Variants in TLN2 observed in about 807,000 individuals in gnomAD.
TLN2 encodes talin 2, also known as talin-2.
A neutral mutation model predicts 294.7 loss-of-function variants in TLN2; 118 were observed. The ratio of observed to expected loss-of-function variants is 0.40; its 90% CI spans 0.34 to 0.47. TLN2 has a LOEUF of 0.47. Ranked by LOEUF, TLN2 falls within the 20% of genes least tolerant of loss-of-function variation. The pLI is 0.84. For missense variants in TLN2, 3,083 were observed against 3,282.2 expected (o/e 0.94, Z 1.48); for synonymous variants, 1,431 against 1,304.5 (o/e 1.10, Z -2.09).
At chr15:62,609,101 T>C (rs2047696518) in intron 2 of TLN2, among the ~76,000 whole-genome samples, 2 of 151,994 alleles carry the variant, frequency 1.3e-5, no homozygotes, top group African/African-American at 4.8e-5. Context: ...AAATGAACGT[T>C]CCCCCTGGGC....
intron 35 of TLN2, among the ~76,000 whole-genome samples, chr15:62,753,165 G>A (rs2062029473): frequency 6.6e-6 from 1 of 152,098 alleles, no homozygotes; most frequent in Non-Finnish European, 1.5e-5. Context: ...CTTCCCTTGT[G>A]CCCTCTTGTC....
chr15:62,679,840 G>C (rs775310543), intron 11 of TLN2, among the ~76,000 whole-genome samples: 9 of 152,114 alleles, frequency 5.9e-5, no homozygotes, highest in Non-Finnish European at 1.0e-4. Context: ...ACATGTACTT[G>C]TGTGTGTTTA....
chr15:62,462,694 G>T (rs765526412), intron 1 of TLN2, among the ~76,000 whole-genome samples: 9 of 152,194 alleles, frequency 5.9e-5, no homozygotes, highest in Non-Finnish European at 1.2e-4. Context: ...CTGGCGCTGT[G>T]GGTGTGGCTC....
At chr15:62,461,826 C>T (rs998616256) in intron 1 of TLN2, among the ~76,000 whole-genome samples, 3 of 152,204 alleles carry the variant, frequency 2.0e-5, no homozygotes, top group Non-Finnish European at 1.5e-5. Context: ...TCAAGAGTGG[C>T]CTGGTGAGCG....
At chr15:62,507,357 G>C (rs1029577549) in intron 1 of TLN2, among the ~76,000 whole-genome samples, 1 of 152,226 alleles carries the variant, frequency 6.6e-6, no homozygotes, top group South Asian at 2.1e-4. Flanking sequence ...ATCTCATTGA[G>C]ACCCCCGTGT....
intron 44 of TLN2, among the ~76,000 whole-genome samples, chr15:62,782,718 C>G (rs1194728135): frequency 6.6e-6 from 1 of 152,246 alleles, no homozygotes; most frequent in Non-Finnish European, 1.5e-5. Flanking sequence ...GCGGCCACAT[C>G]TCAGCCTGAA....
At position 62,702,200 on chromosome 15, in the gene TLN2, G is replaced by T; in HGVS notation, c.1905G>T (p.Glu635Asp). The change falls in exon 18 of 59, where the codon GAG becomes GAT. Residue 635 changes from glutamate to aspartate, a missense_variant and splice_region_variant. By Grantham distance (45) the Glu-to-Asp change is conservative. Coordinates refer to ENST00000636159, the MANE Select transcript of TLN2 (RefSeq NM_015059.3). ...LLKAVQPTSG[E>D]PRQTVLTAAG... The stretch of plus-strand genomic sequence containing the variant: ...AAGCTGTGCAGCCTACTTCTGGAGA[G>T]GTAAGCTCCAGAGGCAAGCAATCAC... 1 of 1,586,774 alleles carries T rather than the reference G, an allele frequency of 6.3e-7. No individual in the cohort carries two copies. The highest frequency in any genetic ancestry group is 8.6e-7 in the Non-Finnish European group (1 of 1,165,078).
intron 9 of TLN2, among the ~76,000 whole-genome samples, chr15:62,660,165 C>G (rs2053659465): frequency 6.6e-6 from 1 of 152,190 alleles, no homozygotes; most frequent in African/African-American, 2.4e-5. Flanking sequence ...GGAATGTGAA[C>G]AAGGGCATAT....
At chr15:62,786,303 G>A (rs1034379325) in intron 45 of TLN2, among the ~76,000 whole-genome samples, 2 of 152,154 alleles carry the variant, frequency 1.3e-5, no homozygotes, top group Non-Finnish European at 1.5e-5. Context: ...CCCGCAGTCC[G>A]CTATGCAAGG....
rs1322963977 is a variant in TLN2, at chr15:62,716,451, C to T, written c.2755C>T (p.Arg919Ter). ...TGCTATTAAGAAAAAAATTGTCAAC[C>T]GACTGGAGGTAAGGAAAGAGGCTGC... ...QNAIKKKIVN[R>*]LEVAAKQAAA... The change falls in exon 23 of 59, where the codon CGA becomes TGA. Residue 919 changes from arginine (R) to a stop codon, truncating the protein, a stop_gained. Transcript: ENST00000636159. LOFTEE classifies it high-confidence loss of function. 3 of 1,601,040 alleles carry T rather than the reference C, an allele frequency of 1.9e-6. No individual in the cohort carries two copies. The highest frequency in any genetic ancestry group is 2.3e-5 in the East Asian group (1 of 44,046).
chr15:62,393,578 A>T (rs2032281546), intron 1 of TLN2, among the ~76,000 whole-genome samples: 1 of 152,226 alleles, frequency 6.6e-6, no homozygotes, highest in South Asian at 2.1e-4. Flanking sequence ...GGACGATTAC[A>T]GGTGGTGAAT....
intron 14 of TLN2, among the ~76,000 whole-genome samples, chr15:62,697,358 T>C (rs28610033): frequency 0.096 from 14,554 of 152,192 alleles, 1,402 homozygotes; most frequent in African/African-American, 0.25. Flanking sequence ...ATCCTTCCCA[T>C]TTGGCCTCCA....
At chr15:62,548,584 A>G (rs1465742258) in intron 1 of TLN2, among the ~76,000 whole-genome samples, 3 of 152,172 alleles carry the variant, frequency 2.0e-5, no homozygotes, top group Non-Finnish European at 4.4e-5. Context: ...ACCCATAACC[A>G]TCAAACAAAA....
chr15:62,587,663 G>A (rs1467826291), intron 1 of TLN2, among the ~76,000 whole-genome samples: 1 of 152,100 alleles, frequency 6.6e-6, no homozygotes, highest in African/African-American at 2.4e-5. Context: ...CCATCTCCCT[G>A]CTTCCATAAT....
chr15:62,603,767 G>A (rs566770210), intron 2 of TLN2, among the ~76,000 whole-genome samples: 1 of 152,328 alleles, frequency 6.6e-6, no homozygotes, highest in South Asian at 2.1e-4. Flanking sequence ...AGGACATTTC[G>A]GTGGAATCTG....
chr15:62,750,926 T>G (rs1475741803), intron 34 of TLN2, among the ~76,000 whole-genome samples: 1 of 152,218 alleles, frequency 6.6e-6, no homozygotes, highest in Non-Finnish European at 1.5e-5. Flanking sequence ...TCCTCTTATG[T>G]GTTCTTTTGC....
intron 43 of TLN2, among the ~76,000 whole-genome samples, chr15:62,780,074 TGTC>T (rs1318179453): frequency 2.0e-5 from 3 of 152,254 alleles, no homozygotes; most frequent in Non-Finnish European, 4.4e-5. Flanking sequence ...ATCCCACTGT[TGTC>T]GTCATGATTT....
intron 2 of TLN2, among the ~76,000 whole-genome samples, chr15:62,610,324 G>A (rs1252022878): frequency 1.3e-5 from 2 of 152,110 alleles, no homozygotes; most frequent in Non-Finnish European, 2.9e-5. Flanking sequence ...TACAGGCTTG[G>A]GTTCCTGTAG....
intron 9 of TLN2, among the ~76,000 whole-genome samples, chr15:62,663,161 T>C (rs2414789): frequency 0.89 from 136,086 of 152,090 alleles, 62,659 homozygotes; most frequent in Non-Finnish European, 1. Context: ...AGAGACACGT[T>C]TTCACAGTAG....
Sources: gnomAD v4.1 joint callset for allele counts (sites outside exome capture counted in the v4.1 genomes callset) on GRCh38, gnomAD v4.1.1 for gene constraint, MANE v1.5 for transcripts, NCBI Gene and HGNC (gene_info 2026-07-23, HGNC 2026-07-21) for gene names.